Variants in PTPRR observed in about 807,000 individuals in gnomAD.
The protein encoded by PTPRR is protein tyrosine phosphatase receptor type R.
In PTPRR, 38 loss-of-function variants were observed where a neutral mutation model predicts 77.2. The ratio of observed to expected loss-of-function variants is 0.49; its 90% CI spans 0.38 to 0.65. PTPRR has a LOEUF of 0.65. PTPRR is among the 30% of genes least tolerant of loss of function. PTPRR has a pLI of 0.00. For synonymous variants in PTPRR, 299 were observed against 283.1 expected, an observed-to-expected ratio of 1.06 and a Z score of -0.57; for missense variants, 744 against 799.2, an observed-to-expected ratio of 0.93 and a Z score of 0.83.
At chr12:70,875,133 A>G (rs1893029375) in intron 2 of PTPRR, among the ~76,000 whole-genome samples, 1 of 152,176 alleles carries the variant, frequency 6.6e-6, no homozygotes, top group Admixed American at 6.5e-5. Flanking sequence ...AATATGCACC[A>G]TTAAAAAGAA....
At chr12:70,750,780 A>C (rs1028447459) in intron 5 of PTPRR, among the ~76,000 whole-genome samples, 2 of 152,142 alleles carry the variant, frequency 1.3e-5, no homozygotes, top group Non-Finnish European at 2.9e-5. Flanking sequence ...CCCAGGCTGG[A>C]GTAAAGTGGC....
At chr12:70,805,419 C>T (rs1891692256) in intron 2 of PTPRR, among the ~76,000 whole-genome samples, 1 of 152,004 alleles carries the variant, frequency 6.6e-6, no homozygotes, top group Admixed American at 6.6e-5. Flanking sequence ...TCCCTGAAGC[C>T]TGGAGTCAGC....
At chr12:70,857,648 G>T (rs1462764456) in intron 2 of PTPRR, among the ~76,000 whole-genome samples, 1 of 152,106 alleles carries the variant, frequency 6.6e-6, no homozygotes, top group Non-Finnish European at 1.5e-5. Context: ...AAATAAATTG[G>T]TTAGACTTTT....
chr12:70,734,385 CAA>C (rs1281356856), intron 6 of PTPRR, among the ~76,000 whole-genome samples: 1 of 152,072 alleles, frequency 6.6e-6, no homozygotes, highest in African/African-American at 2.4e-5. Flanking sequence ...ACTGAATTGC[CAA>C]AAGAGTTCCC....
intron 3 of PTPRR, 151 bp downstream of exon 3, chr12:70,764,514 G>A (rs746820572): frequency 3.2e-5 from 21 of 648,832 alleles, no homozygotes; most frequent in Admixed American, 7.6e-5. Context: ...TAGATGAGCA[G>A]ATATAGCTTG....
intron 2 of PTPRR, among the ~76,000 whole-genome samples, chr12:70,864,217 T>C (rs1044602191): frequency 3.3e-5 from 5 of 152,226 alleles, no homozygotes; most frequent in Admixed American, 1.3e-4. Context: ...ATGACCCATT[T>C]GACCAAGCAT....
In PTPRR at chr12:70,827,758, T is replaced by TCCGGG. The variant is rs567760605; in HGVS notation, c.358-62981_358-62980insCCCGG. 3.3e-4 allele frequency among the ~76,000 whole-genome samples: 45 copies of TCCGGG among 135,288 alleles called. No homozygotes were observed. In the East Asian group the frequency reaches 8.7e-3, roughly 26 times the overall value. 88.8% of individuals were successfully genotyped at this position (135,288 alleles called of 152,430 possible). Reference sequence around the variant, plus strand: ...TTTGAGATGGAGTCTTGCTCTGTTGTCCAGGCTGGAGTGCAGTGGCACAGT... The same window carrying TCCGGG: ...TTTGAGATGGAGTCTTGCTCTGTTGTCCGGGCCAGGCTGGAGTGCAGTGGCACAGT... On this transcript the variant is annotated intron_variant, in intron 2 of 13. Transcript: ENST00000283228.
intron 2 of PTPRR, among the ~76,000 whole-genome samples, chr12:70,775,688 C>G (rs1365832026): frequency 6.6e-6 from 1 of 152,104 alleles, no homozygotes; most frequent in Non-Finnish European, 1.5e-5. Flanking sequence ...GAAGTGCTGT[C>G]TCAATTCCCA....
At chr12:70,703,035 CCTT>C (rs1888488302) in intron 6 of PTPRR, among the ~76,000 whole-genome samples, 1 of 150,926 alleles carries the variant, frequency 6.6e-6, no homozygotes, top group African/African-American at 2.4e-5. Context: ...TTCTTTCCTT[CCTT>C]TTTTTTTTTC....
chr12:70,756,776 T>G (rs543422950), intron 4 of PTPRR, among the ~76,000 whole-genome samples: 1 of 152,258 alleles, frequency 6.6e-6, no homozygotes, highest in South Asian at 2.1e-4. Context: ...CTTTTGTCCT[T>G]TCTTTTTAAA....
chr12:70,684,046 C>G (rs974676685), intron 10 of PTPRR, 81 bp downstream of exon 10: 1 of 1,461,344 alleles, frequency 6.8e-7, no homozygotes, highest in African/African-American at 1.4e-5. Context: ...AAATCTAAGT[C>G]CATGGCAATT....
Position 70,742,298 on chromosome 12 carries a change from G to C in PTPRR, c.1007+3520C>G, listed in dbSNP as rs901116869. ...AGGTGAAATGACATCTAGCAAAAAA[G>C]CTTAGGTTGAGTTACAGAAAAATAA... On this transcript the variant is annotated intron_variant, in intron 6 of 13. Transcript: ENST00000283228. 2.6e-5 allele frequency among the ~76,000 whole-genome samples: 4 copies of C among 152,160 alleles called. No individual in the cohort carries two copies. In the East Asian group the frequency reaches 7.7e-4, roughly 29 times the overall value.
chr12:70,753,522 G>C (rs1890469575), intron 5 of PTPRR, among the ~76,000 whole-genome samples: 1 of 152,104 alleles, frequency 6.6e-6, no homozygotes, highest in South Asian at 2.1e-4. Context: ...TTCATTCAAT[G>C]CCAAATAGTA....
At chr12:70,835,119 AC>A (rs1455579059) in intron 2 of PTPRR, among the ~76,000 whole-genome samples, 2 of 152,078 alleles carry the variant, frequency 1.3e-5, no homozygotes, top group East Asian at 3.9e-4. Context: ...AACTTTTCAG[AC>A]TCAGGAACAA....
At chr12:70,644,423 T>A (rs1886122684) in intron 13 of PTPRR, among the ~76,000 whole-genome samples, 1 of 152,160 alleles carries the variant, frequency 6.6e-6, no homozygotes, top group African/African-American at 2.4e-5. Flanking sequence ...GACCAGAGTA[T>A]GTTAAGAGGG....
At chr12:70,747,972 G>A (rs1890265842) in intron 5 of PTPRR, among the ~76,000 whole-genome samples, 1 of 152,104 alleles carries the variant, frequency 6.6e-6, no homozygotes, top group South Asian at 2.1e-4. Context: ...GTGTCTGGAG[G>A]TATTTTTGGT....
At chr12:70,644,396 A>G (rs1439132106) in intron 13 of PTPRR, among the ~76,000 whole-genome samples, 1 of 152,204 alleles carries the variant, frequency 6.6e-6, no homozygotes, top group Non-Finnish European at 1.5e-5. Context: ...AATGGTGCCA[A>G]GTTCATTACC....
intron 5 of PTPRR, among the ~76,000 whole-genome samples, chr12:70,749,015 A>G (rs1890301413): frequency 6.6e-6 from 1 of 152,228 alleles, no homozygotes; most frequent in African/African-American, 2.4e-5. Flanking sequence ...TGCCCACAGC[A>G]CAGAGGTATA....
At chr12:70,903,642 CAT>C (rs948275969) in intron 1 of PTPRR, among the ~76,000 whole-genome samples, 11 of 151,588 alleles carry the variant, frequency 7.3e-5, no homozygotes, top group Admixed American at 1.3e-4. Context: ...TAGAAGAAAA[CAT>C]AGAATAAAAT....
Sources: allele counts gnomAD v4.1 joint callset (sites outside exome capture counted in the v4.1 genomes callset), GRCh38; gene constraint gnomAD v4.1.1; transcripts MANE v1.5; gene names NCBI Gene and HGNC (gene_info 2026-07-23, HGNC 2026-07-21).